LRP8: variants seen among roughly 807,000 people sequenced by gnomAD.
LRP8 encodes LDL receptor related protein 8, also known as low-density lipoprotein receptor-related protein 8.
In LRP8, 46 loss-of-function variants were observed where a neutral mutation model predicts 111.6. The observed-to-expected ratio is 0.41, with a 90% CI of 0.33 to 0.53. The LOEUF is 0.53. LRP8 is among the 20% of genes least tolerant of loss of function. The probability of loss-of-function intolerance (pLI) is 0.20; values close to 1 mark genes in which losing one functional copy is unlikely to be tolerated. For missense variants in LRP8, 959 were observed against 1,297.4 expected (o/e 0.74, Z 4.01); for synonymous variants, 464 against 511.2 (o/e 0.91, Z 1.24).
intron 6 of LRP8, among the ~76,000 whole-genome samples, chr1:53,273,521 C>T (rs1161014307): frequency 6.6e-6 from 1 of 152,228 alleles, no homozygotes; most frequent in Non-Finnish European, 1.5e-5. Context: ...ACGTACTCCT[C>T]TTTGGTGTGT....
chr1:53,279,741 G>A lies in LRP8; in HGVS notation c.496+846C>T, dbSNP rs954078496. ...GCCTGGCAAGCCCTCCAGGGTGACC[G>A]CCCGTATTTCAGCCCAGCCGCACAG... On this transcript the variant is annotated intron_variant, in intron 4 of 18. Coordinates refer to ENST00000306052, the MANE Select transcript of LRP8 (RefSeq NM_004631.5). This position sits in a 1 kb window ranked among gnomAD's most constrained non-coding sequence, Gnocchi z 4.4. 1.7e-4 allele frequency among the ~76,000 whole-genome samples: 26 copies of A among 152,200 alleles called. No homozygotes were observed. Among genetic ancestry groups the A allele is most frequent in the African/African-American group, 6.0e-4 (25 of 41,446 alleles).
At chr1:53,302,387 C>T (rs1466687279) in intron 2 of LRP8, among the ~76,000 whole-genome samples, 1 of 152,126 alleles carries the variant, frequency 6.6e-6, no homozygotes, top group African/African-American at 2.4e-5. Flanking sequence ...CTCGGGCTCA[C>T]GTTAGACCGG....
intron 2 of LRP8, among the ~76,000 whole-genome samples, chr1:53,319,437 A>G (rs1486205231): frequency 6.6e-6 from 1 of 152,154 alleles, no homozygotes; most frequent in Non-Finnish European, 1.5e-5. Flanking sequence ...AACTGTGTGC[A>G]CCACATGAGC....
chr1:53,312,059 A>G (rs987561881), intron 2 of LRP8, among the ~76,000 whole-genome samples: 2 of 152,226 alleles, frequency 1.3e-5, no homozygotes, highest in Non-Finnish European at 2.9e-5. Context: ...TGAGGCCAAC[A>G]TGGGACACAG....
At chr1:53,280,531 C>G (rs1647071503) in intron 4 of LRP8, 56 bp downstream of exon 4, 1 of 1,591,138 alleles carries the variant, frequency 6.3e-7, no homozygotes, top group African/African-American at 1.3e-5. Flanking sequence ...GGCTGCCACT[C>G]CCTGAGGCTG....
chr1:53,258,253 G>T, intron 14 of LRP8, 66 bp downstream of exon 14: 2 of 1,500,122 alleles, frequency 1.3e-6, no homozygotes, highest in South Asian at 1.3e-5. Context: ...CAGAAGCCAA[G>T]GGAAGATTTC....
chr1:53,243,875 T>C lies in LRP8; in HGVS notation c.*3143A>G, dbSNP rs1645682599. ...AATCAATGCCTTTTTTGTTTCCACATATATCATCCTCCACTGCTACTGTGA... is the reference window on the plus strand; with the variant it reads ...AATCAATGCCTTTTTTGTTTCCACACATATCATCCTCCACTGCTACTGTGA... On this transcript the variant is annotated 3_prime_UTR_variant, in exon 19 of 19. Transcript: ENST00000306052. 1 of 152,234 alleles carries C rather than the reference T, an allele frequency of 6.6e-6. No homozygotes were observed. The highest frequency in any genetic ancestry group is 2.1e-4 in the South Asian group (1 of 4,828). 9.4% of individuals were successfully genotyped at this position (152,234 alleles called of 1,614,324 possible).
intron 2 of LRP8, among the ~76,000 whole-genome samples, chr1:53,326,342 G>T (rs1229977979): frequency 6.6e-6 from 1 of 152,228 alleles, no homozygotes; most frequent in Non-Finnish European, 1.5e-5. Flanking sequence ...CTACACATCC[G>T]TCTGCTCCGC....
Position 53,250,625 on chromosome 1 carries a change from G to A in LRP8, c.2676+65C>T. On this transcript the variant is annotated intron_variant, in intron 17 of 18. Transcript: ENST00000306052. The surrounding 1 kb of genome is among the most constrained non-coding windows in gnomAD (Gnocchi z 4.6). ...GGATGGGAAGGAAGAAAGGATGGGA[G>A]GGGAAGAAAGGATGGAAGGGAAGAT... The A allele has an allele frequency of 2.1e-6, 3 of 1,412,298 alleles. No homozygotes were observed. Among genetic ancestry groups the A allele is most frequent in the Non-Finnish European group, 3.0e-6 (3 of 1,010,820 alleles). The allele number at this position is 1,412,298 out of a possible 1,614,324, so 87.5% of individuals were successfully genotyped here. A position where few individuals can be genotyped will look rare whatever the true frequency, so the allele number is the denominator to read the frequency against.
At chr1:53,291,129 C>T (rs1219572776) in intron 2 of LRP8, among the ~76,000 whole-genome samples, 1 of 152,196 alleles carries the variant, frequency 6.6e-6, no homozygotes, top group Non-Finnish European at 1.5e-5. Flanking sequence ...TTCTGGCCTA[C>T]AGCTTCTTCA....
intron 4 of LRP8, among the ~76,000 whole-genome samples, chr1:53,278,713 G>C (rs986497937): frequency 6.6e-5 from 10 of 151,206 alleles, no homozygotes; most frequent in Non-Finnish European, 1.2e-4. Flanking sequence ...CATGTGCAGG[G>C]AGGGTGGACT....
At chr1:53,258,575 C>G in intron 13 of LRP8, 104 bp from the exon 14 acceptor site, 1 of 1,058,520 alleles carries the variant, frequency 9.4e-7, no homozygotes, top group Non-Finnish European at 1.3e-6. Context: ...AAAAAGCTTG[C>G]CCTATACTTT....
At chr1:53,247,130 G>T in intron 18 of LRP8, 74 bp from the exon 19 acceptor site, 1 of 1,186,480 alleles carries the variant, frequency 8.4e-7, no homozygotes, top group South Asian at 1.4e-5. Flanking sequence ...ACAAATCACA[G>T]ACTTACGTTA....
In LRP8 at chr1:53,266,757, T is replaced by C. The variant is rs1646579592; in HGVS notation, c.1253-110A>G. The stretch of plus-strand genomic sequence containing the variant: ...GCTGACACATCCATTTTCCTTAAAA[T>C]AGTAGTGACAATTCCTACTTTACAG... On this transcript the variant is annotated intron_variant, in intron 8 of 18. Transcript: ENST00000306052. This position sits in a 1 kb window ranked among gnomAD's most constrained non-coding sequence, Gnocchi z 5.0. The C allele has an allele frequency of 1.1e-6, 1 of 942,196 alleles. No homozygotes were observed. Among genetic ancestry groups the C allele is most frequent in the African/African-American group, 1.6e-5 (1 of 62,086 alleles). The allele number at this position is 942,196 out of a possible 1,614,324, so 58.4% of individuals were successfully genotyped here.
In LRP8 at chr1:53,258,470, A is replaced by G; in HGVS notation, c.2058T>C (p.Ala686=). The part of the protein sequence containing the change: ...VIFHELKQPR[A]PDACELSVQP... Reference sequence around the variant, plus strand: ...GGACACTCAGCTCACAGGCATCTGGAGCTAATGGCAGAGAGGGAGACAGCT... The same window carrying G: ...GGACACTCAGCTCACAGGCATCTGGGGCTAATGGCAGAGAGGGAGACAGCT... Residue 686 remains alanine (A), a splice_region_variant and synonymous_variant, in exon 14 of 19, where the codon GCT becomes GCC. Transcript: ENST00000306052. 4.3e-6 allele frequency: 7 copies of G among 1,613,746 alleles called. No homozygotes were observed. The highest frequency in any genetic ancestry group is 5.9e-6 in the Non-Finnish European group (7 of 1,179,852).
chr1:53,309,487 C>T (rs973888369), intron 2 of LRP8, among the ~76,000 whole-genome samples: 9 of 152,186 alleles, frequency 5.9e-5, no homozygotes, highest in Admixed American at 1.3e-4. Context: ...TCATCCAGCC[C>T]ACATGCTGTG....
chr1:53,263,341 G>A (rs1450480570), intron 10 of LRP8, among the ~76,000 whole-genome samples: 1 of 152,252 alleles, frequency 6.6e-6, no homozygotes, highest in Admixed American at 6.5e-5. Flanking sequence ...AACCTCCCAT[G>A]TGGTACTCCC....
At position 53,284,897 on chromosome 1, in the gene LRP8, G is replaced by A. The variant is rs534559194; in HGVS notation, c.368-4182C>T. On this transcript the variant is annotated intron_variant, in intron 3 of 18. Coordinates refer to ENST00000306052, the MANE Select transcript of LRP8 (RefSeq NM_004631.5). ...AGACCAAGGCCCAGAGAGCAAAAGG[G>A]ACCTGCCTAGGGTCACACAGCTACT... Among the ~76,000 whole-genome samples the A allele has an allele frequency of 1.1e-4, 16 of 152,080 alleles. No individual in the cohort carries two copies. The South Asian group carries it at 3.1e-3, about 30-fold the overall frequency.
At position 53,262,104 on chromosome 1, in the gene LRP8, G is replaced by A; in HGVS notation, c.1878C>T (p.Asp626=). The change falls in exon 12 of 19, where the codon GAC becomes GAT. Residue 626 remains aspartate (D), a synonymous_variant. Coordinates refer to ENST00000306052, the MANE Select transcript of LRP8 (RefSeq NM_004631.5). The surrounding 1 kb of genome is among the most constrained non-coding windows in gnomAD (Gnocchi z 4.8). ...CTATCCCAAAAGGGTGGCTCAGGAA[G>A]TCAGTGGAGGAGATCAGCGTCTTTC... ...GNRKTLISST[D]FLSHPFGIAV... is the part of the protein sequence containing the mutation. 1 of 1,614,228 alleles carries A rather than the reference G, an allele frequency of 6.2e-7. No individual in the cohort carries two copies. Among genetic ancestry groups the A allele is most frequent in the African/African-American group, 1.3e-5 (1 of 75,066 alleles).
Sources: allele counts gnomAD v4.1 joint callset (sites outside exome capture counted in the v4.1 genomes callset), GRCh38; gene constraint gnomAD v4.1.1; non-coding constraint Gnocchi (gnomAD v3.1); transcripts MANE v1.5; gene names NCBI Gene and HGNC (gene_info 2026-07-23, HGNC 2026-07-21).